The following NUDT3 variants were observed in gnomAD, a reference collection of about 807,000 sequenced individuals.
NUDT3 encodes nudix hydrolase 3.
A neutral mutation model predicts 23.6 loss-of-function variants in NUDT3; 9 were observed. That is an observed-to-expected ratio of 0.38 (90% CI 0.23 to 0.66). NUDT3 has a LOEUF of 0.66. NUDT3 is among the 30% of genes least tolerant of loss of function. The pLI, the probability that NUDT3 is intolerant of heterozygous loss-of-function variation, is 0.52. For synonymous variants in NUDT3, 86 were observed against 82.6 expected (o/e 1.04, Z -0.22); for missense variants, 172 against 218.5 (o/e 0.79, Z 1.34).
At chr6:34,300,274 C>T (rs1763579892) in intron 2 of NUDT3, among the ~76,000 whole-genome samples, 1 of 152,142 alleles carries the variant, frequency 6.6e-6, no homozygotes, top group Non-Finnish European at 1.5e-5. Context: ...ACAAGTGGAC[C>T]GTCATCTTCT....
At chr6:34,375,117 C>T (rs1453523841) in intron 1 of NUDT3, among the ~76,000 whole-genome samples, 3 of 152,116 alleles carry the variant, frequency 2.0e-5, no homozygotes, top group East Asian at 1.9e-4. Flanking sequence ...CCGAGGTAGG[C>T]GGATCACCCG....
chr6:34,374,640 C>T (rs1212731644), intron 1 of NUDT3, among the ~76,000 whole-genome samples: 2 of 152,110 alleles, frequency 1.3e-5, no homozygotes, highest in Middle Eastern at 3.2e-3. Flanking sequence ...ACTTCTCAAT[C>T]CAGCATTTGT....
At chr6:34,363,817 GGCTGGAGTGCAGT>G (rs1764684763) in intron 1 of NUDT3, among the ~76,000 whole-genome samples, 1 of 151,072 alleles carries the variant, frequency 6.6e-6, no homozygotes, top group Non-Finnish European at 1.5e-5. Flanking sequence ...CTGTCACCCA[GGCTGGAGTGCAGT>G]AGCGCGATCT....
intron 1 of NUDT3, among the ~76,000 whole-genome samples, chr6:34,375,565 G>A (rs937317921): frequency 6.6e-6 from 1 of 151,988 alleles, no homozygotes; most frequent in Non-Finnish European, 1.5e-5. Context: ...ACTTTTTCTT[G>A]CCCCTCAAAT....
intron 2 of NUDT3, among the ~76,000 whole-genome samples, chr6:34,341,359 AC>A (rs1195980884): frequency 1.3e-5 from 2 of 152,130 alleles, no homozygotes; most frequent in Non-Finnish European, 2.9e-5. Context: ...TGTATGTGGA[AC>A]ATCATGTGAC....
At chr6:34,299,751 C>T (rs1403679077) in intron 2 of NUDT3, among the ~76,000 whole-genome samples, 1 of 151,466 alleles carries the variant, frequency 6.6e-6, no homozygotes, top group African/African-American at 2.4e-5. Context: ...ACTAAAAACA[C>T]AAAAATTACC....
At chr6:34,384,411 G>A (rs1274654538) in intron 1 of NUDT3, among the ~76,000 whole-genome samples, 1 of 152,164 alleles carries the variant, frequency 6.6e-6, no homozygotes, top group Non-Finnish European at 1.5e-5. Flanking sequence ...TTTTCTCCCT[G>A]GGTAAAAACA....
At chr6:34,346,138 C>T (rs1258287964) in intron 1 of NUDT3, among the ~76,000 whole-genome samples, 1 of 152,074 alleles carries the variant, frequency 6.6e-6, no homozygotes, top group Non-Finnish European at 1.5e-5. Context: ...ACCAATCTTA[C>T]ATTTTACAAC....
intron 1 of NUDT3, among the ~76,000 whole-genome samples, chr6:34,391,225 T>C (rs1394830017): frequency 6.6e-6 from 1 of 152,228 alleles, no homozygotes; most frequent in Non-Finnish European, 1.5e-5. Flanking sequence ...CACTGCACTG[T>C]ACTGCGGCCC....
chr6:34,343,147 T>C (rs1764313541), intron 1 of NUDT3, among the ~76,000 whole-genome samples: 1 of 152,200 alleles, frequency 6.6e-6, no homozygotes, highest in Non-Finnish European at 1.5e-5. Flanking sequence ...AAGTACTATT[T>C]TTCAAATATA....
chr6:34,389,216 T>C (rs1765156217), intron 1 of NUDT3, among the ~76,000 whole-genome samples: 1 of 152,194 alleles, frequency 6.6e-6, no homozygotes, highest in Non-Finnish European at 1.5e-5. Flanking sequence ...AACTGGATCA[T>C]GGGGAGTTTC....
intron 3 of NUDT3, 83 bp from the exon 4 acceptor site, chr6:34,293,618 T>G: frequency 1.4e-6 from 2 of 1,463,110 alleles, no homozygotes; most frequent in Non-Finnish European, 1.9e-6. Context: ...CTTATGCATA[T>G]GTCCAGAGAG....
intron 2 of NUDT3, among the ~76,000 whole-genome samples, chr6:34,341,031 T>G (rs1764280582): frequency 6.6e-6 from 1 of 152,170 alleles, no homozygotes; most frequent in South Asian, 2.1e-4. Flanking sequence ...AGAATCAATC[T>G]TATATTCCCT....
intron 2 of NUDT3, among the ~76,000 whole-genome samples, chr6:34,317,485 A>G (rs1346382150): frequency 6.6e-6 from 1 of 152,134 alleles, no homozygotes; most frequent in East Asian, 1.9e-4. Context: ...GGGAAAAATG[A>G]GCAAAGACAA....
At chr6:34,392,204 G>A (rs1581909311) in intron 1 of NUDT3, 60 bp downstream of exon 1, 2 of 1,389,940 alleles carry the variant, frequency 1.4e-6, no homozygotes, top group East Asian at 2.7e-5. Context: ...CGCCCCTCGC[G>A]CCTCCACCCG....
chr6:34,378,284 C>A (rs1764959052), intron 1 of NUDT3, among the ~76,000 whole-genome samples: 1 of 151,898 alleles, frequency 6.6e-6, no homozygotes, highest in Non-Finnish European at 1.5e-5. Flanking sequence ...GCCTGGGAGA[C>A]AGAGCAAGAT....
In NUDT3 at chr6:34,284,530, CTGTT is replaced by C. The variant is rs1763312037; in HGVS notation, c.*4219_*4222del. On this transcript the variant is annotated 3_prime_UTR_variant, in exon 5 of 5. Transcript: ENST00000607016. ...AAAAGTGAATGTGGCTTAGGCTAAG[CTGTT>C]TTTTTTTTTTTTTTTTTAAAGATGA... 7 of 131,370 alleles carry C rather than the reference CTGTT, an allele frequency of 5.3e-5. No homozygotes were observed. In the South Asian group the frequency reaches 1.7e-3, roughly 33 times the overall value. 8.1% of individuals were successfully genotyped at this position (131,370 alleles called of 1,614,324 possible). A position where few individuals can be genotyped will look rare whatever the true frequency, so the allele number is the denominator to read the frequency against.
intron 1 of NUDT3, among the ~76,000 whole-genome samples, chr6:34,374,128 G>A (rs1478233301): frequency 7.8e-6 from 1 of 128,992 alleles, no homozygotes; most frequent in African/African-American, 3.0e-5. Flanking sequence ...CTGTACTCCA[G>A]CCTGGGCGAC....
intron 2 of NUDT3, among the ~76,000 whole-genome samples, chr6:34,311,938 G>T (rs1283688931): frequency 2.0e-5 from 3 of 152,062 alleles, no homozygotes; most frequent in African/African-American, 7.3e-5. Flanking sequence ...ATGGATCACA[G>T]ACCTAAATGT....
Sources: allele counts gnomAD v4.1 joint callset (sites outside exome capture counted in the v4.1 genomes callset), GRCh38; gene constraint gnomAD v4.1.1; transcripts MANE v1.5; gene names NCBI Gene and HGNC (gene_info 2026-07-23, HGNC 2026-07-21).